Variants in IFT81 observed in about 807,000 individuals in gnomAD.
IFT81 encodes the protein intraflagellar transport 81.
Under a neutral mutation model 102.6 loss-of-function variants are expected in IFT81, and 72 were observed. The observed-to-expected ratio is 0.70, with a 90% CI of 0.58 to 0.85. The LOEUF (loss-of-function observed/expected upper bound fraction) is 0.85, where lower values mean the gene tolerates loss of function less well. IFT81 is among the 40% of genes least tolerant of loss of function. The probability of loss-of-function intolerance (pLI) is 0.00; values close to 1 mark genes in which losing one functional copy is unlikely to be tolerated. For synonymous variants in IFT81, 237 were observed against 242.7 expected (o/e 0.98, Z 0.22); for missense variants, 723 against 787.3 (o/e 0.92, Z 0.98).
At chr12:110,157,312 G>A (rs1895898266) in intron 10 of IFT81, among the ~76,000 whole-genome samples, 4 of 152,038 alleles carry the variant, frequency 2.6e-5, no homozygotes, top group African/African-American at 4.8e-5. Flanking sequence ...TCATGCCATT[G>A]CACTTCAGCC....
At chr12:110,188,071 G>T (rs566527616) in intron 12 of IFT81, among the ~76,000 whole-genome samples, 1 of 152,238 alleles carries the variant, frequency 6.6e-6, no homozygotes, top group African/African-American at 2.4e-5. Context: ...GGTGGCTCAC[G>T]CCTGTAATCC....
intron 18 of IFT81, among the ~76,000 whole-genome samples, 153 bp from the exon 19 acceptor site, chr12:110,217,891 T>C (rs1406201470): frequency 6.6e-6 from 1 of 152,166 alleles, no homozygotes; most frequent in African/African-American, 2.4e-5. Context: ...TAGTTAACTT[T>C]TATAATCTTA....
intron 9 of IFT81, among the ~76,000 whole-genome samples, chr12:110,144,773 G>C (rs1231491730): frequency 2.6e-5 from 4 of 151,578 alleles, no homozygotes; most frequent in Non-Finnish European, 4.4e-5. Context: ...GCCTCCCAAA[G>C]TGCTGGGATT....
At chr12:110,161,783 A>G (rs147332120) in intron 10 of IFT81, among the ~76,000 whole-genome samples, 2 of 152,220 alleles carry the variant, frequency 1.3e-5, no homozygotes, top group Admixed American at 1.3e-4. Flanking sequence ...GAATAGTTCT[A>G]TGGAGTAAAA....
At chr12:110,191,791 C>A (rs547462989) in intron 13 of IFT81, among the ~76,000 whole-genome samples, 2 of 152,004 alleles carry the variant, frequency 1.3e-5, no homozygotes, top group Non-Finnish European at 2.9e-5. Context: ...AGAGTACCCC[C>A]CTCCAGTTGT....
chr12:110,140,313 G>T (rs747482577), intron 8 of IFT81, among the ~76,000 whole-genome samples: 4 of 151,900 alleles, frequency 2.6e-5, no homozygotes, highest in African/African-American at 7.3e-5. Flanking sequence ...TTTGACATAC[G>T]CATACACTGG....
chr12:110,211,030 A>T (rs1219450338), intron 18 of IFT81, among the ~76,000 whole-genome samples: 56 of 129,320 alleles, frequency 4.3e-4, no homozygotes, highest in South Asian at 2.7e-3. Flanking sequence ...TAATTTTTGT[A>T]TTTTTTTTTT....
chr12:110,125,696 C>G (rs1381493103), intron 1 of IFT81, among the ~76,000 whole-genome samples: 1 of 152,206 alleles, frequency 6.6e-6, no homozygotes. Context: ...CTCCCGGCAG[C>G]AACTCATTGC....
chr12:110,195,399 C>T (rs551885520), intron 14 of IFT81, among the ~76,000 whole-genome samples: 6 of 152,178 alleles, frequency 3.9e-5, no homozygotes, highest in East Asian at 1.9e-4. Context: ...TTTAGTAGAT[C>T]GTATTGTCTT....
chr12:110,146,816 T>C, intron 9 of IFT81, 137 bp from the exon 10 acceptor site: 1 of 1,061,600 alleles, frequency 9.4e-7, no homozygotes, highest in Non-Finnish European at 1.2e-6. Flanking sequence ...AAAAAAAAAT[T>C]AGTCTAGGTG....
chr12:110,205,711 A>AT, intron 17 of IFT81, 31 bp downstream of exon 17: 6 of 1,349,684 alleles, frequency 4.4e-6, no homozygotes, highest in Non-Finnish European at 6.2e-6. Flanking sequence ...ATATTGAGAT[A>AT]CTTAATATTT....
At chr12:110,156,239 T>C (rs1327551279) in intron 10 of IFT81, among the ~76,000 whole-genome samples, 7 of 152,210 alleles carry the variant, frequency 4.6e-5, no homozygotes, top group Non-Finnish European at 1.0e-4. Context: ...GTCTCTTAAA[T>C]TATGTAGAGA....
intron 12 of IFT81, among the ~76,000 whole-genome samples, chr12:110,185,052 G>A (rs1188326304): frequency 6.6e-6 from 1 of 152,174 alleles, no homozygotes; most frequent in Non-Finnish European, 1.5e-5. Flanking sequence ...GCTGCAACAT[G>A]CCTGGGACTG....
rs1894232535 is a variant in IFT81 at position 110,132,540 on chromosome 12, C to T, written c.430-7C>T. ...TTAGTTTATAATTTCTTAACTTATT[C>T]TTCTAGTATGAAGAGTTAATGGAAG... On this transcript the variant is annotated splice_region_variant and splice_polypyrimidine_tract_variant and intron_variant, in intron 4 of 18. Coordinates refer to ENST00000242591, the MANE Select transcript of IFT81 (RefSeq NM_014055.4). 4.0e-6 allele frequency: 5 copies of T among 1,238,108 alleles called. No homozygotes were observed. In the Middle Eastern group the frequency reaches 5.8e-4, roughly 143 times the overall value. 76.7% of individuals were successfully genotyped at this position (1,238,108 alleles called of 1,614,324 possible). A position where few individuals can be genotyped will look rare whatever the true frequency, so the allele number is the denominator to read the frequency against.
chr12:110,197,958 C>T (rs150695205), intron 14 of IFT81, among the ~76,000 whole-genome samples: 3,165 of 152,152 alleles, frequency 0.021, 121 homozygotes, highest in African/African-American at 0.072. Context: ...GTGATCCGCC[C>T]GCCTCAGCCT....
At chr12:110,153,870 G>A (rs983025550) in intron 10 of IFT81, among the ~76,000 whole-genome samples, 3 of 149,228 alleles carry the variant, frequency 2.0e-5, no homozygotes, top group Admixed American at 6.7e-5. Flanking sequence ...CACCTGCCTC[G>A]GCTGCCAAAG....
intron 8 of IFT81, among the ~76,000 whole-genome samples, chr12:110,139,751 G>A (rs1247930238): frequency 6.7e-6 from 1 of 150,338 alleles, no homozygotes; most frequent in East Asian, 1.9e-4. Context: ...TCCAGCCTGG[G>A]CGACAGAGTG....
At chr12:110,131,294 A>C (rs1032142599) in intron 4 of IFT81, among the ~76,000 whole-genome samples, 3 of 152,026 alleles carry the variant, frequency 2.0e-5, no homozygotes, top group African/African-American at 4.8e-5. Flanking sequence ...AAAACAACAA[A>C]AAAAAACTAT....
intron 10 of IFT81, among the ~76,000 whole-genome samples, chr12:110,157,412 G>A (rs1181220787): frequency 6.7e-6 from 1 of 149,548 alleles, no homozygotes; most frequent in Non-Finnish European, 1.5e-5. Flanking sequence ...AAGAAAGGAA[G>A]TGCACTTGGA....
Sources: gnomAD v4.1 joint callset for allele counts (sites outside exome capture counted in the v4.1 genomes callset) on GRCh38, gnomAD v4.1.1 for gene constraint, MANE v1.5 for transcripts, NCBI Gene and HGNC (gene_info 2026-07-23, HGNC 2026-07-21) for gene names.